Variants in RSPO3 observed in about 807,000 individuals in gnomAD.
RSPO3 encodes the protein R-spondin-3.
Under a neutral mutation model 36.5 loss-of-function variants are expected in RSPO3, and 17 were observed. That is an observed-to-expected ratio of 0.47 (90% CI 0.32 to 0.70). RSPO3 has a LOEUF of 0.70. Ranked by LOEUF, RSPO3 falls within the 30% of genes least tolerant of loss-of-function variation. RSPO3 has a pLI of 0.04. For synonymous variants in RSPO3, 108 were observed against 107.0 expected (o/e 1.01, Z -0.06); for missense variants, 294 against 322.5 (o/e 0.91, Z 0.68).
intron 4 of RSPO3, among the ~76,000 whole-genome samples, chr6:127,187,588 G>A (rs965987963): frequency 6.6e-6 from 1 of 152,090 alleles, no homozygotes; most frequent in Non-Finnish European, 1.5e-5. Context: ...TTCAAAATGT[G>A]TTATGCAAAC....
At chr6:127,129,712 G>A (rs1371624700) in intron 1 of RSPO3, among the ~76,000 whole-genome samples, 1 of 151,998 alleles carries the variant, frequency 6.6e-6, no homozygotes, top group African/African-American at 2.4e-5. Flanking sequence ...ATCAGTATGT[G>A]CAGTTTATGT....
chr6:127,197,377 A>C lies in RSPO3; in HGVS notation c.*1370A>C, dbSNP rs1264509694. ...GTATGTCAGATCCCCCTGCATCTTC[A>C]ACATTTAGTCTTTTCTTCTCCATAT... On this transcript the variant is annotated 3_prime_UTR_variant, in exon 5 of 5. Transcript: ENST00000356698. 2 of 1,548,166 alleles carry C rather than the reference A, an allele frequency of 1.3e-6. No homozygotes were observed. The highest frequency in any genetic ancestry group is 3.3e-4 in the Middle Eastern group (2 of 5,986).
Position 127,196,029 on chromosome 6 carries a change from A to C in RSPO3, c.*22A>C. 1 of 1,568,262 alleles carries C rather than the reference A, an allele frequency of 6.4e-7. No homozygotes were observed. Among genetic ancestry groups the C allele is most frequent in the Non-Finnish European group, 8.7e-7 (1 of 1,155,028 alleles). On this transcript the variant is annotated 3_prime_UTR_variant, in exon 5 of 5. Coordinates refer to ENST00000356698, the MANE Select transcript of RSPO3 (RefSeq NM_032784.5). The stretch of plus-strand genomic sequence containing the variant: ...CTAGAGGGTTCCATGAGATTATTGT[A>C]GACTCATGATGCTGCTATCTCAACC...
At chr6:127,195,059 T>G (rs1775486928) in intron 4 of RSPO3, among the ~76,000 whole-genome samples, 1 of 152,362 alleles carries the variant, frequency 6.6e-6, no homozygotes, top group African/African-American at 2.4e-5. Flanking sequence ...AATCAGTTCT[T>G]TTCTCTTAGA....
In RSPO3 at chr6:127,163,722, T is replaced by G. The variant is rs1374795713; in HGVS notation, c.634+8284T>G. Among the ~76,000 whole-genome samples, 5 of 152,196 alleles carry G rather than the reference T, an allele frequency of 3.3e-5. No individual in the cohort carries two copies. In the East Asian group the frequency reaches 5.8e-4, roughly 18 times the overall value. On this transcript the variant is annotated intron_variant, in intron 4 of 4. Transcript: ENST00000356698. ...AATTATTTACGACATACTTATTACT[T>G]TAATAGCAAAATAATATATTAGCAT...
chr6:127,155,550 A>C (rs1271415609), intron 4 of RSPO3, 112 bp downstream of exon 4: 2 of 977,026 alleles, frequency 2.0e-6, no homozygotes, highest in Non-Finnish European at 3.1e-6. Context: ...ATATCCTAAA[A>C]TGTGTACCAA....
chr6:127,164,749 C>G (rs934993880), intron 4 of RSPO3, among the ~76,000 whole-genome samples: 1 of 152,050 alleles, frequency 6.6e-6, no homozygotes, highest in African/African-American at 2.4e-5. Flanking sequence ...AAAATTAACT[C>G]TAACCTAATT....
chr6:127,134,738 A>G (rs2114554954), intron 1 of RSPO3, among the ~76,000 whole-genome samples: 1 of 152,336 alleles, frequency 6.6e-6, no homozygotes, highest in East Asian at 1.9e-4. Flanking sequence ...ACTACCAGCT[A>G]CTTCCACATG....
intron 3 of RSPO3, among the ~76,000 whole-genome samples, chr6:127,153,989 A>G (rs1444717988): frequency 1.3e-5 from 2 of 152,188 alleles, no homozygotes; most frequent in African/African-American, 2.4e-5. Flanking sequence ...AAATGGTTCA[A>G]TAAAGTTCAT....
At chr6:127,129,200 G>T (rs970782597) in intron 1 of RSPO3, among the ~76,000 whole-genome samples, 6 of 151,928 alleles carry the variant, frequency 3.9e-5, no homozygotes, top group Non-Finnish European at 8.8e-5. Flanking sequence ...ACCTTAATGG[G>T]TTCTGTTTTG....
intron 1 of RSPO3, among the ~76,000 whole-genome samples, chr6:127,130,459 T>C (rs1384246614): frequency 6.6e-6 from 1 of 152,126 alleles, no homozygotes; most frequent in Non-Finnish European, 1.5e-5. Context: ...TCAAACTCTT[T>C]TTCTGGCCAG....
intron 1 of RSPO3, among the ~76,000 whole-genome samples, chr6:127,137,760 T>C (rs1318080832): frequency 6.6e-6 from 1 of 152,216 alleles, no homozygotes; most frequent in Non-Finnish European, 1.5e-5. Context: ...TCCATAATCA[T>C]TCCTATCTGT....
chr6:127,124,387 G>T (rs187484500), intron 1 of RSPO3, among the ~76,000 whole-genome samples: 28 of 152,104 alleles, frequency 1.8e-4, no homozygotes, highest in African/African-American at 6.5e-4. Flanking sequence ...AAAAACTTTG[G>T]TTACCATTAG....
intron 1 of RSPO3, among the ~76,000 whole-genome samples, chr6:127,121,030 C>T (rs1773834516): frequency 6.6e-6 from 1 of 152,218 alleles, no homozygotes; most frequent in Admixed American, 6.5e-5. Flanking sequence ...GGCTGGAGCG[C>T]AACCCACTCT....
chr6:127,150,956 A>G (rs1015055924), intron 3 of RSPO3, among the ~76,000 whole-genome samples: 1 of 151,792 alleles, frequency 6.6e-6, no homozygotes, highest in African/African-American at 2.4e-5. Flanking sequence ...TGACATACAT[A>G]TATGTCTTGA....
intron 1 of RSPO3, among the ~76,000 whole-genome samples, chr6:127,132,026 C>A (rs1180600658): frequency 6.6e-6 from 1 of 152,186 alleles, no homozygotes; most frequent in Admixed American, 6.5e-5. Flanking sequence ...TTTGTTAATA[C>A]AAACCCTTCA....
At chr6:127,148,481 G>A (rs1377697399) in intron 1 of RSPO3, among the ~76,000 whole-genome samples, 167 bp from the exon 2 acceptor site, 6 of 151,680 alleles carry the variant, frequency 4.0e-5, no homozygotes, top group Non-Finnish European at 7.4e-5. Context: ...ATGTGCTAAA[G>A]GGAAATAAAA....
At chr6:127,159,751 C>T (rs1416230483) in intron 4 of RSPO3, among the ~76,000 whole-genome samples, 3 of 149,254 alleles carry the variant, frequency 2.0e-5, no homozygotes, top group East Asian at 2.0e-4. Context: ...TGAGTTCAAG[C>T]GATTCTCCTG....
chr6:127,166,877 T>C (rs1266840062), intron 4 of RSPO3, among the ~76,000 whole-genome samples: 3 of 151,996 alleles, frequency 2.0e-5, no homozygotes, highest in South Asian at 4.1e-4. Context: ...CATTTTCCTA[T>C]TAATAAGGCT....
Sources: gnomAD v4.1 joint callset for allele counts (sites outside exome capture counted in the v4.1 genomes callset) on GRCh38, gnomAD v4.1.1 for gene constraint, MANE v1.5 for transcripts, NCBI Gene and HGNC (gene_info 2026-07-23, HGNC 2026-07-21) for gene names.